USP8: variants seen among roughly 807,000 people sequenced by gnomAD.
USP8 encodes ubiquitin carboxyl-terminal hydrolase 8.
Under a neutral mutation model 130.0 loss-of-function variants are expected in USP8, and 27 were observed. The observed-to-expected ratio is 0.21, with a 90% CI of 0.15 to 0.29. USP8 has a LOEUF of 0.29. USP8 is among the 10% of genes least tolerant of loss of function. The probability of loss-of-function intolerance (pLI) is 1.00; values close to 1 mark genes in which losing one functional copy is unlikely to be tolerated. For missense variants in USP8, 1,029 were observed against 1,312.2 expected (o/e 0.78, Z 3.33); for synonymous variants, 392 against 444.1 (o/e 0.88, Z 1.48).
At chr15:50,498,799 A>C in intron 19 of USP8, 71 bp downstream of exon 19, 1 of 1,553,912 alleles carries the variant, frequency 6.4e-7, no homozygotes, top group East Asian at 2.3e-5. Flanking sequence ...GTGGTTTCCT[A>C]CCTCATGGAA....
intron 1 of USP8, among the ~76,000 whole-genome samples, chr15:50,426,607 C>T (rs2049735464): frequency 6.6e-6 from 1 of 152,126 alleles, no homozygotes; most frequent in Non-Finnish European, 1.5e-5. Flanking sequence ...AGGAGTTCAG[C>T]TGGAAATGTC....
chr15:50,480,441 A>G (rs76325444), intron 10 of USP8, among the ~76,000 whole-genome samples: 3,208 of 152,276 alleles, frequency 0.021, 105 homozygotes, highest in African/African-American at 0.072. Flanking sequence ...AAGTAATTAT[A>G]GTTATTTGAT....
rs758417750 is a variant in USP8, at chr15:50,490,350, T to C, written c.2059T>C (p.Ser687Pro). The C allele has an allele frequency of 6.2e-7, 1 of 1,614,018 alleles. No homozygotes were observed. The highest frequency in any genetic ancestry group is 1.3e-5 in the African/African-American group (1 of 74,984). ...HMYPPEMAPS[S>P]APPSTPPTHK... ...GTACCCACCGGAAATGGCTCCTTCATCTGCACCTCCTTCCACCCCTCCAAC... is the reference window on the plus strand; with the variant it reads ...GTACCCACCGGAAATGGCTCCTTCACCTGCACCTCCTTCCACCCCTCCAAC... Residue 687 changes from serine (S) to proline (P), a missense_variant, in exon 14 of 20, where the codon TCT becomes CCT. By Grantham distance (74) the Ser-to-Pro change is moderately conservative. Transcript: ENST00000307179.
intron 3 of USP8, among the ~76,000 whole-genome samples, chr15:50,447,794 G>T (rs551206691): frequency 6.6e-6 from 1 of 151,214 alleles, no homozygotes; most frequent in African/African-American, 2.4e-5. Flanking sequence ...GTGGGGAACG[G>T]GGTCTCACTA....
At chr15:50,432,624 G>A (rs910436053) in intron 1 of USP8, 3 of 152,174 alleles carry the variant, frequency 2.0e-5, no homozygotes, top group Admixed American at 2.0e-4. Context: ...GCTGTAGTGT[G>A]AGACTTTCAT....
chr15:50,481,575 G>A lies in USP8; in HGVS notation c.1313G>A (p.Gly438Glu). ...CATGAGCAACAATCTCCTCAGAGTG[G>A]AAAAGTTATTCCTGATCGTTCCACC... ...TNHEQQSPQS[G>E]KVIPDRSTKP... The change falls in exon 11 of 20, where the codon GGA becomes GAA. Residue 438 changes from glycine (G) to glutamate (E), a missense_variant. Coordinates refer to ENST00000307179, the MANE Select transcript of USP8 (RefSeq NM_005154.5). The A allele has an allele frequency of 6.2e-7, 1 of 1,614,034 alleles. No individual in the cohort carries two copies. The highest frequency in any genetic ancestry group is 8.5e-7 in the Non-Finnish European group (1 of 1,180,002).
intron 3 of USP8, among the ~76,000 whole-genome samples, chr15:50,447,627 A>T (rs1187695640): frequency 6.8e-6 from 1 of 146,210 alleles, no homozygotes; most frequent in Non-Finnish European, 1.5e-5. Context: ...CAATGGCGTG[A>T]TCTCAGCTCA....
intron 7 of USP8, among the ~76,000 whole-genome samples, chr15:50,469,494 T>C (rs1453270345): frequency 1.3e-5 from 2 of 152,148 alleles, no homozygotes; most frequent in Non-Finnish European, 2.9e-5. Context: ...AATATCACAT[T>C]TTATTTTTTT....
intron 11 of USP8, among the ~76,000 whole-genome samples, chr15:50,483,554 G>A (rs941274965): frequency 1.3e-5 from 2 of 152,228 alleles, no homozygotes; most frequent in Admixed American, 1.3e-4. Context: ...CAGCACTTTG[G>A]GAGGCCTAGA....
At chr15:50,444,874 C>G (rs2050374331) in intron 3 of USP8, among the ~76,000 whole-genome samples, 1 of 152,164 alleles carries the variant, frequency 6.6e-6, no homozygotes, top group Non-Finnish European at 1.5e-5. Context: ...TCTCTCACCT[C>G]AGCCTCCAGA....
chr15:50,493,118 T>C (rs2052241739), intron 15 of USP8: 1 of 649,562 alleles, frequency 1.5e-6, no homozygotes, highest in Non-Finnish European at 2.8e-6. Flanking sequence ...TTTTGCTGCA[T>C]CCTCACAGGG....
chr15:50,449,330 T>C, intron 3 of USP8, 70 bp from the exon 4 acceptor site: 2 of 967,098 alleles, frequency 2.1e-6, no homozygotes, highest in Non-Finnish European at 3.0e-6. Flanking sequence ...ATGATTTTAA[T>C]GATTTTAACA....
intron 14 of USP8, among the ~76,000 whole-genome samples, 160 bp from the exon 15 acceptor site, chr15:50,492,541 T>C (rs1282178401): frequency 6.6e-6 from 1 of 152,194 alleles, no homozygotes; most frequent in Non-Finnish European, 1.5e-5. Context: ...AACCTAAATA[T>C]TAAATGTCCT....
In USP8 at chr15:50,439,646, C is replaced by T. The variant is rs2050186436; in HGVS notation, c.104+469C>T. Among the ~76,000 whole-genome samples the T allele has an allele frequency of 1.3e-5, 2 of 149,900 alleles. 1 individual carries two copies. Among genetic ancestry groups the T allele is most frequent in the Non-Finnish European group, 3.0e-5 (2 of 67,666 alleles). On this transcript the variant is annotated intron_variant, in intron 2 of 19. Transcript: ENST00000307179. ...TCTACTAAAAATACAAAAAATTAGCCGGGCGTGGTGGCGCACATCTGTAAT... is the reference window on the plus strand; with the variant it reads ...TCTACTAAAAATACAAAAAATTAGCTGGGCGTGGTGGCGCACATCTGTAAT...
At chr15:50,454,181 G>A (rs1226706914) in intron 4 of USP8, among the ~76,000 whole-genome samples, 1 of 151,918 alleles carries the variant, frequency 6.6e-6, no homozygotes, top group South Asian at 2.1e-4. Context: ...TCATTCTTAA[G>A]GGATTTTAAC....
In USP8 at chr15:50,499,125, G is replaced by A. The variant is rs767903055; in HGVS notation, c.*37G>A. On this transcript the variant is annotated 3_prime_UTR_variant, in exon 20 of 20. Transcript: ENST00000307179. ...TTATAAACTAGTTATCTTTTAAAAGGCTCAGCAACACAACTCTTGAAATGC... is the reference window on the plus strand; with the variant it reads ...TTATAAACTAGTTATCTTTTAAAAGACTCAGCAACACAACTCTTGAAATGC... 2.0e-6 allele frequency: 3 copies of A among 1,533,002 alleles called. No individual in the cohort carries two copies. The highest frequency in any genetic ancestry group is 8.8e-7 in the Non-Finnish European group (1 of 1,140,634). The allele number at this position is 1,533,002 out of a possible 1,614,324, so 95.0% of individuals were successfully genotyped here.
chr15:50,477,693 T>C (rs1242782803), intron 10 of USP8, among the ~76,000 whole-genome samples, 194 bp downstream of exon 10: 1 of 152,002 alleles, frequency 6.6e-6, no homozygotes, highest in Non-Finnish European at 1.5e-5. Flanking sequence ...ATACAAAAAT[T>C]AGCTGGGCAT....
Position 50,459,112 on chromosome 15 carries a change from G to T in USP8, c.448G>T (p.Ala150Ser). ...ETGREDGGTL[A>S]KGSLENVLDS... ...AGGAAGAGAGGATGGTGGCACATTG[G>T]CTAAAGGCTCTTTGGAGAATGTTTT... The change falls in exon 5 of 20, where the codon GCT (alanine) becomes TCT (serine). Residue 150 changes from alanine to serine, a missense_variant. Physicochemically the swap from Ala to Ser is moderately conservative, Grantham distance 99. Transcript: ENST00000307179. 6.2e-7 allele frequency: 1 copy of T among 1,613,932 alleles called. No individual in the cohort carries two copies. The highest frequency in any genetic ancestry group is 8.5e-7 in the Non-Finnish European group (1 of 1,179,986).
intron 16 of USP8, among the ~76,000 whole-genome samples, chr15:50,494,874 G>A (rs2052314399): frequency 6.6e-6 from 1 of 152,272 alleles, no homozygotes; most frequent in African/African-American, 2.4e-5. Flanking sequence ...AATTGGCTGG[G>A]TGTAGTGGCA....
Sources: allele counts gnomAD v4.1 joint callset (sites outside exome capture counted in the v4.1 genomes callset), GRCh38; gene constraint gnomAD v4.1.1; transcripts MANE v1.5; gene names NCBI Gene and HGNC (gene_info 2026-07-23, HGNC 2026-07-21).